STMP1: variants seen among roughly 807,000 people sequenced by gnomAD.
STMP1 encodes short transmembrane mitochondrial protein 1, also known as mitolamban.
In STMP1, 7 loss-of-function variants were observed where a neutral mutation model predicts 7.0. That is an observed-to-expected ratio of 1.01 (90% CI 0.57 to 1.89). STMP1 has a LOEUF of 1.89. Among genes scored for constraint, STMP1 ranks in the 40% most tolerant of loss-of-function variants. The pLI is 0.00. For missense variants in STMP1, 45 were observed against 53.0 expected, an observed-to-expected ratio of 0.85 and a Z score of 0.47; for synonymous variants, 19 against 18.4, an observed-to-expected ratio of 1.03 and a Z score of -0.08.
At chr7:135,673,962 C>T (rs1795383132) in intron 2 of STMP1, 129 bp from the exon 3 acceptor site, 2 of 653,324 alleles carry the variant, frequency 3.1e-6, no homozygotes, top group Non-Finnish European at 2.7e-6. Flanking sequence ...AAAGAAATAA[C>T]CACTATTTAG....
intron 1 of STMP1, among the ~76,000 whole-genome samples, chr7:135,672,133 C>A (rs1795362178): frequency 2.6e-5 from 4 of 152,150 alleles, no homozygotes; most frequent in Admixed American, 2.6e-4. Context: ...ATGTGAGCCA[C>A]CACGCCTGGC....
Position 135,672,816 on chromosome 7 carries a change from C to T in STMP1, c.69+10C>T, listed in dbSNP as rs931932747. ...GGCTCAGAACTATGATGTAAGTGGCCATATCCATGACTTCCTTGATTCCAT... is the reference window on the plus strand; with the variant it reads ...GGCTCAGAACTATGATGTAAGTGGCTATATCCATGACTTCCTTGATTCCAT... On this transcript the variant is annotated intron_variant, in intron 2 of 2. Coordinates refer to ENST00000507606, the MANE Select transcript of STMP1 (RefSeq NM_001130929.2). The T allele has an allele frequency of 3.2e-6, 5 of 1,549,384 alleles. No homozygotes were observed. The African/African-American group carries it at 5.5e-5, about 17-fold the overall frequency.
Position 135,675,149 on chromosome 7 carries a change from A to T in STMP1, c.*984A>T, listed in dbSNP as rs199748559. 3.3e-5 allele frequency: 2 copies of T among 60,378 alleles called. No individual in the cohort carries two copies. The highest frequency in any genetic ancestry group is 5.9e-5 in the Non-Finnish European group (2 of 33,828). 3.7% of individuals were successfully genotyped at this position (60,378 alleles called of 1,614,324 possible). A position where few individuals can be genotyped will look rare whatever the true frequency, so the allele number is the denominator to read the frequency against. On this transcript the variant is annotated 3_prime_UTR_variant, in exon 3 of 3. Transcript: ENST00000507606. ...AATCAGCTTGTATTGTTTTTAAATT[A>T]AAAAAAAATTTGAATAATTAACTTT...
chr7:135,667,916 G>C (rs1243869742), intron 1 of STMP1, among the ~76,000 whole-genome samples: 1 of 152,088 alleles, frequency 6.6e-6, no homozygotes, highest in Non-Finnish European at 1.5e-5. Context: ...TATAGTTTTA[G>C]CTCTTACATT....
chr7:135,664,517 C>T (rs908743980), intron 1 of STMP1, among the ~76,000 whole-genome samples: 1 of 151,792 alleles, frequency 6.6e-6, no homozygotes, highest in African/African-American at 2.4e-5. Flanking sequence ...CCACCCGTGA[C>T]TAATTTTAAA....
intron 1 of STMP1, among the ~76,000 whole-genome samples, chr7:135,666,879 A>G (rs1233785968): frequency 6.6e-6 from 1 of 152,212 alleles, no homozygotes; most frequent in East Asian, 1.9e-4. Flanking sequence ...TGTTGAGTAT[A>G]TACCCTAAAG....
At position 135,676,086 on chromosome 7, in the gene STMP1, G is replaced by A. The variant is rs1205440287; in HGVS notation, c.*1921G>A. ...TCACCACCACACCTGGCTAATTTTTGTATTTTTAGTAACGACGAGGTTTCA... is the reference window on the plus strand; with the variant it reads ...TCACCACCACACCTGGCTAATTTTTATATTTTTAGTAACGACGAGGTTTCA... On this transcript the variant is annotated 3_prime_UTR_variant, in exon 3 of 3. Transcript: ENST00000507606. 1 of 152,110 alleles carries A rather than the reference G, an allele frequency of 6.6e-6. No individual in the cohort carries two copies. Among genetic ancestry groups the A allele is most frequent in the African/African-American group, 2.4e-5 (1 of 41,418 alleles). 9.4% of individuals were successfully genotyped at this position (152,110 alleles called of 1,614,324 possible). A position where few individuals can be genotyped will look rare whatever the true frequency, so the allele number is the denominator to read the frequency against.
Position 135,662,586 on chromosome 7 carries a change from C to A in STMP1, c.7C>A (p.Gln3Lys), listed in dbSNP as rs1057484778. 1.9e-6 allele frequency: 3 copies of A among 1,548,616 alleles called. No homozygotes were observed. The highest frequency in any genetic ancestry group is 2.5e-5 in the East Asian group (1 of 40,336). The change falls in exon 1 of 3, where the codon CAG (glutamine) becomes AAG (lysine). Residue 3 changes from glutamine (Q) to lysine (K), a missense_variant. Physicochemically the swap from Gln to Lys is moderately conservative, Grantham distance 53. Coordinates refer to ENST00000507606, the MANE Select transcript of STMP1 (RefSeq NM_001130929.2). ML[Q>K]FLLGFTLGNV... ...CGCCCTCCCCACCGACATCATGCTCCAGTTCCTGGTGAGTGGAGCTGCCGA... is the reference window on the plus strand; with the variant it reads ...CGCCCTCCCCACCGACATCATGCTCAAGTTCCTGGTGAGTGGAGCTGCCGA...
chr7:135,668,471 C>T (rs1418156473), intron 1 of STMP1, among the ~76,000 whole-genome samples: 1 of 152,082 alleles, frequency 6.6e-6, no homozygotes, highest in African/African-American at 2.4e-5. Context: ...GGCATGATCT[C>T]AGCTCACTGT....
At chr7:135,663,936 GC>G (rs771249007) in intron 1 of STMP1, among the ~76,000 whole-genome samples, 1 of 152,186 alleles carries the variant, frequency 6.6e-6, no homozygotes, top group African/African-American at 2.4e-5. Flanking sequence ...GAGCCTCCGC[GC>G]CCGGCCCCAA....
chr7:135,667,792 G>A (rs1231942453), intron 1 of STMP1, among the ~76,000 whole-genome samples: 1 of 151,474 alleles, frequency 6.6e-6, no homozygotes, highest in Non-Finnish European at 1.5e-5. Context: ...TTTTAATTTT[G>A]ATGAAGTCCA....
At chr7:135,664,035 A>G (rs1373582031) in intron 1 of STMP1, among the ~76,000 whole-genome samples, 1 of 152,228 alleles carries the variant, frequency 6.6e-6, no homozygotes, top group East Asian at 1.9e-4. Flanking sequence ...AAATCCAATT[A>G]GTCAAAAGAG....
In STMP1 at chr7:135,662,547, C is replaced by T. The variant is rs1017389887; in HGVS notation, c.-33C>T. On this transcript the variant is annotated 5_prime_UTR_variant, in exon 1 of 3. Transcript: ENST00000507606. ...ACCGGCCCGCGGAGCTGCTGCAGTC[C>T]TTCGCGCCCTCCTCGCCCTCCCCAC... 7.1e-6 allele frequency: 11 copies of T among 1,545,862 alleles called. No homozygotes were observed. Among genetic ancestry groups the T allele is most frequent in the African/African-American group, 1.4e-5 (1 of 72,374 alleles).
Position 135,674,262 on chromosome 7 carries a change from C to A in STMP1, c.*97C>A. On this transcript the variant is annotated 3_prime_UTR_variant, in exon 3 of 3. Coordinates refer to ENST00000507606, the MANE Select transcript of STMP1 (RefSeq NM_001130929.2). ...CAAAAGCTTTTGTTTTCGTCTCCAG[C>A]CTCAGCACTTCTCTTCTTTGCTAGA... The A allele has an allele frequency of 3.1e-6, 3 of 953,268 alleles. No individual in the cohort carries two copies. Among genetic ancestry groups the A allele is most frequent in the South Asian group, 1.7e-5 (1 of 60,182 alleles). The allele number at this position is 953,268 out of a possible 1,614,324, so 59.1% of individuals were successfully genotyped here.
chr7:135,673,020 C>G, intron 2 of STMP1: 2 of 548,638 alleles, frequency 3.6e-6, no homozygotes, highest in East Asian at 5.9e-5. Context: ...GGCAAAATCC[C>G]TTCAGTTTAG....
intron 1 of STMP1, among the ~76,000 whole-genome samples, chr7:135,668,460 T>C (rs1795318875): frequency 6.6e-6 from 1 of 152,024 alleles, no homozygotes; most frequent in Non-Finnish European, 1.5e-5. Context: ...TGGAGTGCAG[T>C]GGCATGATCT....
At chr7:135,663,619 C>T (rs1037453270) in intron 1 of STMP1, among the ~76,000 whole-genome samples, 3 of 152,146 alleles carry the variant, frequency 2.0e-5, no homozygotes, top group Admixed American at 1.3e-4. Flanking sequence ...GCTGGGATTA[C>T]AGGCGTGAGC....
chr7:135,666,619 G>C (rs1042308309), intron 1 of STMP1, among the ~76,000 whole-genome samples: 5 of 152,056 alleles, frequency 3.3e-5, no homozygotes, highest in African/African-American at 1.2e-4. Flanking sequence ...TGGGATTACA[G>C]GTGTGAGCCA....
At position 135,662,574 on chromosome 7, in the gene STMP1, G is replaced by T. The variant is rs1174503586; in HGVS notation, c.-6G>T. The T allele has an allele frequency of 6.5e-6, 10 of 1,547,532 alleles. No individual in the cohort carries two copies. The highest frequency in any genetic ancestry group is 7.9e-6 in the Non-Finnish European group (9 of 1,145,434). On this transcript the variant is annotated 5_prime_UTR_variant, in exon 1 of 3. Transcript: ENST00000507606. ...TCGCGCCCTCCTCGCCCTCCCCACCGACATCATGCTCCAGTTCCTGGTGAG... is the reference window on the plus strand; with the variant it reads ...TCGCGCCCTCCTCGCCCTCCCCACCTACATCATGCTCCAGTTCCTGGTGAG...
Sources: allele counts gnomAD v4.1 joint callset (sites outside exome capture counted in the v4.1 genomes callset), GRCh38; gene constraint gnomAD v4.1.1; transcripts MANE v1.5; gene names NCBI Gene and HGNC (gene_info 2026-07-23, HGNC 2026-07-21).